SLC4A5: variants seen among roughly 807,000 people sequenced by gnomAD.
SLC4A5 encodes the protein electrogenic sodium bicarbonate cotransporter 4.
A neutral mutation model predicts 120.4 loss-of-function variants in SLC4A5; 96 were observed. The observed-to-expected ratio is 0.80, with a 90% CI of 0.68 to 0.94. The LOEUF (loss-of-function observed/expected upper bound fraction) is 0.94, where lower values mean the gene tolerates loss of function less well. Among genes scored for constraint, SLC4A5 ranks in the 40% least tolerant of loss-of-function variants. SLC4A5 has a pLI of 0.00. For missense variants in SLC4A5, 1,259 were observed against 1,459.5 expected, an observed-to-expected ratio of 0.86 and a Z score of 2.24; for synonymous variants, 550 against 571.1, an observed-to-expected ratio of 0.96 and a Z score of 0.53.
At chr2:74,229,801 A>C (rs937500773) in intron 25 of SLC4A5, among the ~76,000 whole-genome samples, 1 of 152,126 alleles carries the variant, frequency 6.6e-6, no homozygotes, top group Non-Finnish European at 1.5e-5. Flanking sequence ...CTCAAGCCAG[A>C]AATATTTTCC....
At chr2:74,232,047 G>C (rs893553080) in intron 24 of SLC4A5, among the ~76,000 whole-genome samples, 3 of 152,166 alleles carry the variant, frequency 2.0e-5, no homozygotes, top group Admixed American at 6.5e-5. Flanking sequence ...ACTGGGGAGC[G>C]GGGGTGATCC....
At chr2:74,260,181 C>T (rs1173924825) in intron 11 of SLC4A5, among the ~76,000 whole-genome samples, 1 of 152,216 alleles carries the variant, frequency 6.6e-6, no homozygotes, top group African/African-American at 2.4e-5. Context: ...GTTCCTTCCT[C>T]TGTTAAGAGA....
chr2:74,235,256 A>C (rs1440717387), intron 21 of SLC4A5, 42 bp from the exon 22 acceptor site: 1 of 1,516,710 alleles, frequency 6.6e-7, no homozygotes, highest in African/African-American at 1.4e-5. Flanking sequence ...TGAGTAAAGC[A>C]CCCACCCAGC....
rs190727607 is a variant in SLC4A5, at chr2:74,270,402, G to C, written c.402-5138C>G. Among the ~76,000 whole-genome samples, 338 of 152,280 alleles carry C rather than the reference G, an allele frequency of 2.2e-3. 1 individual carries two copies. The highest frequency in any genetic ancestry group is 7.7e-3 in the African/African-American group (320 of 41,566). ...AATACCAATGCCTGGGGCTGGGCGC[G>C]GTGGCTCATGCCTGTAATCCCAGCA... is the stretch of plus-strand genomic sequence containing the variant. On this transcript the variant is annotated intron_variant, in intron 8 of 30. Coordinates refer to ENST00000394019, the Ensembl canonical transcript of SLC4A5.
At chr2:74,287,801 C>G (rs996775286) in intron 7 of SLC4A5, among the ~76,000 whole-genome samples, 13 of 152,292 alleles carry the variant, frequency 8.5e-5, no homozygotes, top group African/African-American at 3.1e-4. Flanking sequence ...TCTTTCTTCA[C>G]CTGGATCTTC....
chr2:74,283,983 G>A (rs1671896309), intron 8 of SLC4A5, among the ~76,000 whole-genome samples: 1 of 151,752 alleles, frequency 6.6e-6, no homozygotes. Flanking sequence ...GACTACAGGT[G>A]TGTGCCACCA....
chr2:74,243,023 G>T (rs886429281), intron 19 of SLC4A5, among the ~76,000 whole-genome samples: 1 of 152,196 alleles, frequency 6.6e-6, no homozygotes, highest in African/African-American at 2.4e-5. Context: ...TTTCTAATCT[G>T]CCAAATGCAA....
At chr2:74,262,904 GTACC>G (rs1671187221) in intron 10 of SLC4A5, among the ~76,000 whole-genome samples, 2 of 152,006 alleles carry the variant, frequency 1.3e-5, no homozygotes, top group South Asian at 4.1e-4. Context: ...GACAAGAACC[GTACC>G]TACACGCCAC....
intron 3 of SLC4A5, among the ~76,000 whole-genome samples, chr2:74,338,481 C>A (rs1673547719): frequency 6.6e-6 from 1 of 152,186 alleles, no homozygotes; most frequent in South Asian, 2.1e-4. Context: ...CAGATAAGCA[C>A]AGCCTCGATG....
At position 74,247,672 on chromosome 2, in the gene SLC4A5, G is replaced by C. The variant is rs185081319; in HGVS notation, c.1788-365C>G. 7.6e-3 allele frequency among the ~76,000 whole-genome samples: 1,150 copies of C among 152,062 alleles called. 14 individuals are homozygous for C. The highest frequency in any genetic ancestry group is 0.054 in the Middle Eastern group (16 of 294). ...TGGGATTACAGGCACCCGCCGCCAC[G>C]CCTGGCTGATTTTTGTATTTTTAGT... On this transcript the variant is annotated intron_variant, in intron 18 of 30. Coordinates refer to ENST00000394019, the Ensembl canonical transcript of SLC4A5.
At position 74,222,961 on chromosome 2, in the gene SLC4A5, A is replaced by G; in HGVS notation, c.3247-9T>C. On this transcript the variant is annotated splice_polypyrimidine_tract_variant and intron_variant, in intron 28 of 30. Transcript: ENST00000394019. ...GGAGGAGGGAACTGGGGCTGGAGAA[A>G]AACAGTGGGAAAAGAGGATAAACAC... is the stretch of plus-strand genomic sequence containing the variant. 2.5e-6 allele frequency: 4 copies of G among 1,587,752 alleles called. No homozygotes were observed. Among genetic ancestry groups the G allele is most frequent in the Non-Finnish European group, 3.4e-6 (4 of 1,165,870 alleles).
chr2:74,245,306 C>CA (rs1285933139), intron 19 of SLC4A5, among the ~76,000 whole-genome samples: 1 of 152,018 alleles, frequency 6.6e-6, no homozygotes, highest in East Asian at 1.9e-4. Flanking sequence ...GCGACAGAGT[C>CA]AGACTCTGTC....
intron 8 of SLC4A5, among the ~76,000 whole-genome samples, chr2:74,274,393 ATATG>A (rs1671574639): frequency 6.6e-6 from 1 of 150,866 alleles, no homozygotes; most frequent in Non-Finnish European, 1.5e-5. Flanking sequence ...ATGCATGAAA[ATATG>A]TATGTGAGAT....
chr2:74,272,457 A>G (rs761677386), intron 8 of SLC4A5, among the ~76,000 whole-genome samples: 7 of 152,230 alleles, frequency 4.6e-5, no homozygotes, highest in Admixed American at 2.0e-4. Flanking sequence ...ACTCATTGCA[A>G]AGTGAACTGT....
intron 12 of SLC4A5, among the ~76,000 whole-genome samples, chr2:74,258,771 A>C (rs1671046916): frequency 6.6e-6 from 1 of 152,104 alleles, no homozygotes; most frequent in Admixed American, 6.5e-5. Context: ...ATATTGATTG[A>C]TTTTGTTACT....
chr2:74,321,842 G>A (rs1033845792), intron 5 of SLC4A5, among the ~76,000 whole-genome samples: 8 of 151,702 alleles, frequency 5.3e-5, no homozygotes, highest in African/African-American at 7.3e-5. Flanking sequence ...AACCATTCAC[G>A]GTATTCTGGT....
intron 28 of SLC4A5, among the ~76,000 whole-genome samples, chr2:74,224,521 C>G (rs1694773476): frequency 6.6e-6 from 1 of 152,182 alleles, no homozygotes; most frequent in African/African-American, 2.4e-5. Context: ...CTGGAGCTGC[C>G]TCCTGGCCCT....
chr2:74,326,264 G>A (rs190746503), intron 5 of SLC4A5, among the ~76,000 whole-genome samples: 1 of 152,302 alleles, frequency 6.6e-6, no homozygotes, highest in African/African-American at 2.4e-5. Context: ...CAAAGGAATT[G>A]TGCTAGCAAC....
intron 6 of SLC4A5, 115 bp downstream of exon 6, chr2:74,314,830 G>C (rs1182226690): frequency 1.1e-6 from 1 of 923,082 alleles, no homozygotes; most frequent in East Asian, 2.4e-5. Context: ...CTGTGGATGA[G>C]TCAGGAAAAG....
Sources: gnomAD v4.1 joint callset for allele counts (sites outside exome capture counted in the v4.1 genomes callset) on GRCh38, gnomAD v4.1.1 for gene constraint, MANE v1.5 for transcripts, NCBI Gene and HGNC (gene_info 2026-07-23, HGNC 2026-07-21) for gene names.